Variants in RPS6KC1 observed in about 807,000 individuals in gnomAD.
RPS6KC1 encodes ribosomal protein S6 kinase C1, also known as inactive ribosomal protein S6 kinase delta-1.
Under a neutral mutation model 103.8 loss-of-function variants are expected in RPS6KC1, and 54 were observed. The observed-to-expected ratio is 0.52, with a 90% confidence interval of 0.42 to 0.65. The LOEUF is 0.65. RPS6KC1 is among the 30% of genes least tolerant of loss of function. The pLI is 0.00. For missense variants in RPS6KC1, 1,151 were observed against 1,253.8 expected, an observed-to-expected ratio of 0.92 and a Z score of 1.24; for synonymous variants, 439 against 438.7, an observed-to-expected ratio of 1.00 and a Z score of -0.01.
Position 213,086,108 on chromosome 1 carries a change from C to T in RPS6KC1, c.262+8292C>T, listed in dbSNP as rs372929152. On this transcript the variant is annotated intron_variant, in intron 3 of 14. Coordinates refer to ENST00000366960, the MANE Select transcript of RPS6KC1 (RefSeq NM_012424.6). ...TATTGTATTTTAGCTCCACATCCAT[C>T]CTTCATTGCTTTGTCAGATCTCCTT... Among the ~76,000 whole-genome samples the T allele has an allele frequency of 2.3e-4, 35 of 152,264 alleles. 1 individual carries two copies. The highest frequency in any genetic ancestry group is 7.0e-4 in the African/African-American group (29 of 41,546).
intron 6 of RPS6KC1, among the ~76,000 whole-genome samples, chr1:213,157,386 T>C (rs1479965898): frequency 3.3e-5 from 5 of 152,090 alleles, no homozygotes; most frequent in Non-Finnish European, 7.4e-5. Context: ...TTTTTATGTT[T>C]TTAGTAGAGA....
chr1:213,802,567 T>C, the RPS6KC1 span, among the ~76,000 whole-genome samples: 13 of 152,228 alleles, frequency 8.5e-5, no homozygotes, highest in African/African-American at 2.7e-4. Flanking sequence ...TTTTAGGGTA[T>C]AGACTTTTAT....
chr1:213,054,539 A>G (rs1043246134), intron 1 of RPS6KC1, among the ~76,000 whole-genome samples: 2 of 152,172 alleles, frequency 1.3e-5, no homozygotes, highest in African/African-American at 4.8e-5. Flanking sequence ...TGTCTTCTGT[A>G]TATTTTCTAC....
the RPS6KC1 span, among the ~76,000 whole-genome samples, chr1:213,624,226 A>G: frequency 0.11 from 16,292 of 152,244 alleles, 1,442 homozygotes; most frequent in African/African-American, 0.24. Flanking sequence ...GGCATATGAT[A>G]CTACCTACAT....
the RPS6KC1 span, among the ~76,000 whole-genome samples, chr1:213,460,690 C>T: frequency 6.6e-6 from 1 of 152,084 alleles, no homozygotes; most frequent in South Asian, 2.1e-4. Context: ...TGTCAATGGT[C>T]TTTACAATTT....
At chr1:213,851,904 T>C in the RPS6KC1 span, among the ~76,000 whole-genome samples, 1 of 152,198 alleles carries the variant, frequency 6.6e-6, no homozygotes, top group Non-Finnish European at 1.5e-5. Flanking sequence ...TCCTGTGCTA[T>C]TCTTCTCTCT....
chr1:213,181,334 A>C (rs1195527188), intron 8 of RPS6KC1, among the ~76,000 whole-genome samples: 1 of 152,262 alleles, frequency 6.6e-6, no homozygotes, highest in Non-Finnish European at 1.5e-5. Flanking sequence ...CACACTTTGT[A>C]AGTCTATGAC....
rs1558462420 is a variant in RPS6KC1, at chr1:213,167,478, AC to A, written c.836-379del. Among the ~76,000 whole-genome samples the A allele has an allele frequency of 4.4e-3, 639 of 146,014 alleles. 8 individuals are homozygous for A. The highest frequency in any genetic ancestry group is 0.032 in the East Asian group (163 of 5,030). ...CACACACACACACACACACACACACACACACACACACAACAGCTGTTGCATT... is the reference window on the plus strand; with the variant it reads ...CACACACACACACACACACACACACAACACACACACAACAGCTGTTGCATT... On this transcript the variant is annotated intron_variant, in intron 6 of 14. Coordinates refer to ENST00000366960, the MANE Select transcript of RPS6KC1 (RefSeq NM_012424.6).
At chr1:213,201,288 T>C (rs2093153891) in intron 8 of RPS6KC1, among the ~76,000 whole-genome samples, 1 of 152,148 alleles carries the variant, frequency 6.6e-6, no homozygotes, top group Admixed American at 6.5e-5. Flanking sequence ...AAAAAAGAAA[T>C]ACCTATCAAG....
At chr1:213,092,953 T>C (rs796699935) in intron 3 of RPS6KC1, among the ~76,000 whole-genome samples, 5 of 152,308 alleles carry the variant, frequency 3.3e-5, no homozygotes, top group African/African-American at 1.2e-4. Flanking sequence ...AAAAAGAAAC[T>C]TGTCACTGGG....
At chr1:213,514,221 G>A in the RPS6KC1 span, among the ~76,000 whole-genome samples, 2 of 152,108 alleles carry the variant, frequency 1.3e-5, no homozygotes, top group Non-Finnish European at 2.9e-5. Flanking sequence ...AATAAATGCT[G>A]AGGAAGGGAT....
chr1:213,389,315 G>GA, the RPS6KC1 span, among the ~76,000 whole-genome samples: 1 of 152,024 alleles, frequency 6.6e-6, no homozygotes, highest in African/African-American at 2.4e-5. Context: ...ATTTTACTTG[G>GA]AAAAAAAGGT....
chr1:213,075,062 A>G (rs969636925), intron 2 of RPS6KC1, among the ~76,000 whole-genome samples: 2 of 151,896 alleles, frequency 1.3e-5, no homozygotes, highest in African/African-American at 4.8e-5. Flanking sequence ...TGTGTTAGCC[A>G]GGATGGTCTC....
At chr1:213,611,526 GA>G in the RPS6KC1 span, among the ~76,000 whole-genome samples, 1 of 152,146 alleles carries the variant, frequency 6.6e-6, no homozygotes, top group Non-Finnish European at 1.5e-5. Flanking sequence ...CTTATTCCAT[GA>G]AATGACAATA....
the RPS6KC1 span, among the ~76,000 whole-genome samples, chr1:213,797,880 G>A: frequency 6.6e-6 from 1 of 152,206 alleles, no homozygotes; most frequent in African/African-American, 2.4e-5. Context: ...ACACAAGAAA[G>A]GCTGAAAAGG....
the RPS6KC1 span, among the ~76,000 whole-genome samples, chr1:213,581,357 C>A: frequency 6.6e-6 from 1 of 152,188 alleles, no homozygotes; most frequent in African/African-American, 2.4e-5. Context: ...AAGAGTCTGT[C>A]ATTCTCTCTT....
chr1:213,861,064 C>T, the RPS6KC1 span, among the ~76,000 whole-genome samples: 22 of 152,072 alleles, frequency 1.4e-4, no homozygotes, highest in Non-Finnish European at 2.9e-5. Context: ...CCACCTCAGC[C>T]TCCCAAAATG....
At chr1:213,703,277 G>A in the RPS6KC1 span, among the ~76,000 whole-genome samples, 1 of 151,966 alleles carries the variant, frequency 6.6e-6, no homozygotes, top group African/African-American at 2.4e-5. Context: ...ACTTTTTGTT[G>A]TTTCTACTTA....
chr1:213,588,484 C>T, the RPS6KC1 span, among the ~76,000 whole-genome samples: 9 of 151,786 alleles, frequency 5.9e-5, no homozygotes, highest in Middle Eastern at 3.4e-3. Context: ...TATTTTTAGT[C>T]GAGACGGGGT....
Sources: allele counts gnomAD v4.1 joint callset (sites outside exome capture counted in the v4.1 genomes callset), GRCh38; gene constraint gnomAD v4.1.1; transcripts MANE v1.5; gene names NCBI Gene and HGNC (gene_info 2026-07-23, HGNC 2026-07-21).